The following RSU1 variants were observed in gnomAD, a reference collection of about 807,000 sequenced individuals.
RSU1 encodes Ras suppressor protein 1.
In RSU1, 26 loss-of-function variants were observed where a neutral mutation model predicts 31.1. The observed-to-expected ratio is 0.84, with a 90% CI of 0.61 to 1.16. RSU1 has a LOEUF of 1.16. Ranked by LOEUF, RSU1 falls within the 50% of genes most tolerant of loss-of-function variation. RSU1 has a pLI of 0.00. For synonymous variants in RSU1, 164 were observed against 136.3 expected, an observed-to-expected ratio of 1.20 and a Z score of -1.41; for missense variants, 320 against 339.1, an observed-to-expected ratio of 0.94 and a Z score of 0.44.
At chr10:16,660,645 C>CTCTTTTTT (rs1554764414) in intron 8 of RSU1, among the ~76,000 whole-genome samples, 39 of 79,542 alleles carry the variant, frequency 4.9e-4, no homozygotes, top group African/African-American at 2.2e-3. Flanking sequence ...CTTGAACTCT[C>CTCTTTTTT]TTTTTTTTTT....
chr10:16,602,788 GA>G (rs1369799204), intron 8 of RSU1, among the ~76,000 whole-genome samples: 1 of 152,174 alleles, frequency 6.6e-6, no homozygotes, highest in Non-Finnish European at 1.5e-5. Context: ...AAATAATGGA[GA>G]AAAATAATTT....
At chr10:16,600,265 G>A (rs1285405539) in intron 8 of RSU1, among the ~76,000 whole-genome samples, 1 of 152,090 alleles carries the variant, frequency 6.6e-6, no homozygotes, top group South Asian at 2.1e-4. Flanking sequence ...GGGAGTGGGC[G>A]CTGCCCTGAG....
intron 7 of RSU1, among the ~76,000 whole-genome samples, chr10:16,743,002 T>C (rs1267512348): frequency 1.3e-5 from 2 of 152,224 alleles, no homozygotes. Flanking sequence ...CGGGAGTCAT[T>C]TTTGATTATC....
chr10:16,726,237 C>T (rs973818686), intron 7 of RSU1, among the ~76,000 whole-genome samples: 1 of 151,444 alleles, frequency 6.6e-6, no homozygotes, highest in Admixed American at 6.6e-5. Flanking sequence ...TGCTTCTTGA[C>T]CTACCTTTCT....
chr10:16,812,341 C>G (rs1329657964), intron 2 of RSU1, among the ~76,000 whole-genome samples: 1 of 152,120 alleles, frequency 6.6e-6, no homozygotes, highest in Non-Finnish European at 1.5e-5. Flanking sequence ...ACTGGGGAGG[C>G]TGAGGCAGGA....
intron 8 of RSU1, among the ~76,000 whole-genome samples, chr10:16,664,517 T>C (rs45523935): frequency 6.6e-6 from 1 of 152,202 alleles, no homozygotes; most frequent in Non-Finnish European, 1.5e-5. Context: ...GAATGCTTCT[T>C]GCTAATAAAT....
At chr10:16,790,953 G>A (rs181031050) in intron 2 of RSU1, among the ~76,000 whole-genome samples, 3 of 152,292 alleles carry the variant, frequency 2.0e-5, no homozygotes, top group East Asian at 3.9e-4. Flanking sequence ...CTTTTCTTCA[G>A]AAACTACCCA....
At chr10:16,797,856 CTTTTT>C (rs766748303) in intron 2 of RSU1, among the ~76,000 whole-genome samples, 2 of 103,506 alleles carry the variant, frequency 1.9e-5, no homozygotes, top group Non-Finnish European at 4.1e-5. Context: ...GGGATTTCTT[CTTTTT>C]TTTTTTTTTT....
intron 3 of RSU1, among the ~76,000 whole-genome samples, chr10:16,778,346 C>G (rs1382441566): frequency 2.0e-5 from 3 of 152,130 alleles, no homozygotes; most frequent in Non-Finnish European, 4.4e-5. Context: ...CCATCTGATC[C>G]CAATGTTCCC....
At chr10:16,803,669 T>C (rs1838207156) in intron 2 of RSU1, among the ~76,000 whole-genome samples, 1 of 152,068 alleles carries the variant, frequency 6.6e-6, no homozygotes, top group Admixed American at 6.6e-5. Flanking sequence ...AGCCCAGAAA[T>C]AGACCCACAC....
intron 8 of RSU1, among the ~76,000 whole-genome samples, chr10:16,638,241 AC>A (rs201854679): frequency 0.026 from 3,925 of 152,272 alleles, 64 homozygotes; most frequent in Non-Finnish European, 0.039. Flanking sequence ...ATGATGTACA[AC>A]TGCATATCAG....
intron 7 of RSU1, among the ~76,000 whole-genome samples, chr10:16,729,329 T>C (rs1836456846): frequency 6.6e-6 from 1 of 152,168 alleles, no homozygotes; most frequent in South Asian, 2.1e-4. Context: ...ATGAGCACTC[T>C]TCGATTATAA....
intron 8 of RSU1, among the ~76,000 whole-genome samples, chr10:16,668,089 C>T (rs981269158): frequency 6.6e-6 from 1 of 152,212 alleles, no homozygotes; most frequent in African/African-American, 2.4e-5. Flanking sequence ...TCTGGCTCTA[C>T]TACATATTAA....
At chr10:16,611,460 C>T (rs1261712173) in intron 8 of RSU1, among the ~76,000 whole-genome samples, 1 of 152,270 alleles carries the variant, frequency 6.6e-6, no homozygotes, top group East Asian at 1.9e-4. Flanking sequence ...CAACTGAAAA[C>T]TAAAGAAAAG....
chr10:16,782,460 TA>T (rs778811131), intron 2 of RSU1, among the ~76,000 whole-genome samples: 1 of 152,218 alleles, frequency 6.6e-6, no homozygotes, highest in Non-Finnish European at 1.5e-5. Context: ...ACAGGGGCCT[TA>T]CCTTGTGCTA....
chr10:16,598,713 A>C (rs776790222), intron 8 of RSU1, among the ~76,000 whole-genome samples: 1 of 152,244 alleles, frequency 6.6e-6, no homozygotes, highest in South Asian at 2.1e-4. Flanking sequence ...AATCTCCTGC[A>C]AGAGGCAACC....
rs1304615214 is a variant in RSU1 at position 16,592,543 on chromosome 10, C to G, written c.*851G>C. 1 of 152,086 alleles carries G rather than the reference C, an allele frequency of 6.6e-6. No individual in the cohort carries two copies. Among genetic ancestry groups the G allele is most frequent in the African/African-American group, 2.4e-5 (1 of 41,404 alleles). The allele number at this position is 152,086 out of a possible 1,614,324, so 9.4% of individuals were successfully genotyped here. A position where few individuals can be genotyped will look rare whatever the true frequency, so the allele number is the denominator to read the frequency against. On this transcript the variant is annotated 3_prime_UTR_variant, in exon 9 of 9. Coordinates refer to ENST00000345264, the MANE Select transcript of RSU1 (RefSeq NM_012425.4). The stretch of plus-strand genomic sequence containing the variant: ...GAATGCTTCGATGCGAGCAGATTTT[C>G]CGCCGTGACAAAATACACAGTTGAG...
At chr10:16,640,019 T>C (rs1475533288) in intron 8 of RSU1, among the ~76,000 whole-genome samples, 1 of 152,172 alleles carries the variant, frequency 6.6e-6, no homozygotes, top group Admixed American at 6.5e-5. Flanking sequence ...TAGCATTGGG[T>C]ATCTACAAAG....
intron 7 of RSU1, among the ~76,000 whole-genome samples, chr10:16,737,800 A>T (rs1836661555): frequency 6.6e-6 from 1 of 152,188 alleles, no homozygotes; most frequent in Non-Finnish European, 1.5e-5. Context: ...CATATCAACT[A>T]ATGTAACCTA....
Sources: gnomAD v4.1 joint callset for allele counts (sites outside exome capture counted in the v4.1 genomes callset) on GRCh38, gnomAD v4.1.1 for gene constraint, MANE v1.5 for transcripts, NCBI Gene and HGNC (gene_info 2026-07-23, HGNC 2026-07-21) for gene names.